Variants in NMNAT1 observed in about 807,000 individuals in gnomAD.
The protein encoded by NMNAT1 is nicotinamide/nicotinic acid mononucleotide adenylyltransferase 1.
Under a neutral mutation model 16.7 loss-of-function variants are expected in NMNAT1, and 11 were observed. The ratio of observed to expected loss-of-function variants is 0.66; its 90% CI spans 0.41 to 1.09. The LOEUF (loss-of-function observed/expected upper bound fraction) is 1.09. Ranked by LOEUF, NMNAT1 falls within the 50% of genes least tolerant of loss-of-function variation. The probability of loss-of-function intolerance (pLI) is 0.00; values close to 1 mark genes in which losing one functional copy is unlikely to be tolerated. For missense variants in NMNAT1, 280 were observed against 332.3 expected (o/e 0.84, Z 1.22); for synonymous variants, 110 against 119.8 (o/e 0.92, Z 0.53).
intron 1 of NMNAT1, among the ~76,000 whole-genome samples, chr1:9,945,528 G>A (rs1268742125): frequency 6.6e-6 from 1 of 152,034 alleles, no homozygotes; most frequent in African/African-American, 2.4e-5. Flanking sequence ...GTGAAACCCT[G>A]TCTCTACTAA....
At chr1:9,968,465 A>G (rs1038156786) in intron 1 of NMNAT1, among the ~76,000 whole-genome samples, 2 of 150,280 alleles carry the variant, frequency 1.3e-5, no homozygotes, top group Admixed American at 6.7e-5. Flanking sequence ...CCTTTTTAAG[A>G]TTGATTAAAA....
At chr1:9,978,914 C>T (rs1350804989) in intron 3 of NMNAT1, among the ~76,000 whole-genome samples, 1 of 152,148 alleles carries the variant, frequency 6.6e-6, no homozygotes, top group Non-Finnish European at 1.5e-5. Flanking sequence ...TTCTCCTTGG[C>T]GTTCTGGTTC....
chr1:9,971,686 G>C (rs1473094418), intron 1 of NMNAT1, among the ~76,000 whole-genome samples: 2 of 152,072 alleles, frequency 1.3e-5, no homozygotes, highest in East Asian at 3.9e-4. Flanking sequence ...AACTGGGCTG[G>C]GCGTGGTGAC....
the NMNAT1 span, among the ~76,000 whole-genome samples, chr1:9,994,491 C>T: frequency 1.3e-5 from 2 of 150,878 alleles, no homozygotes; most frequent in Admixed American, 1.3e-4. Context: ...AGTGCAATGG[C>T]ACGGTCTTGG....
intron 3 of NMNAT1, among the ~76,000 whole-genome samples, chr1:9,978,378 G>A (rs1022400112): frequency 1.3e-5 from 2 of 152,082 alleles, no homozygotes; most frequent in Non-Finnish European, 2.9e-5. Context: ...TACTTGTCAG[G>A]CTCCACAGTC....
intron 3 of NMNAT1, among the ~76,000 whole-genome samples, chr1:9,978,961 A>G (rs1641875139): frequency 6.6e-6 from 1 of 152,198 alleles, no homozygotes; most frequent in Admixed American, 6.6e-5. Context: ...TCCATGGTCA[A>G]GAGTGTGGGC....
At chr1:9,951,468 G>A (rs1031183479) in intron 1 of NMNAT1, among the ~76,000 whole-genome samples, 1 of 74,296 alleles carries the variant, frequency 1.3e-5, no homozygotes, top group African/African-American at 3.1e-5. Flanking sequence ...TTTTTTTGTT[G>A]TTGTTGTTGT....
chr1:9,980,439 T>G (rs565516878), intron 3 of NMNAT1, among the ~76,000 whole-genome samples: 81 of 113,934 alleles, frequency 7.1e-4, no homozygotes, highest in African/African-American at 2.4e-3. Flanking sequence ...GCCAACATGA[T>G]GAAACCCCGT....
At chr1:9,971,732 G>A (rs1180032473) in intron 1 of NMNAT1, among the ~76,000 whole-genome samples, 1 of 152,122 alleles carries the variant, frequency 6.6e-6, no homozygotes, top group Admixed American at 6.6e-5. Context: ...AGAGACTGAG[G>A]TGGAAGGGTT....
intron 1 of NMNAT1, among the ~76,000 whole-genome samples, chr1:9,961,121 G>A (rs1641396319): frequency 6.6e-6 from 1 of 152,126 alleles, no homozygotes; most frequent in Non-Finnish European, 1.5e-5. Flanking sequence ...GATGTAACAA[G>A]GGAGAAAGAC....
At chr1:9,987,691 T>C (rs1226952149), downstream of NMNAT1, among the ~76,000 whole-genome samples, 1 of 151,272 alleles carries the variant, frequency 6.6e-6, no homozygotes, top group African/African-American at 2.4e-5. Context: ...TAGCCAGGCA[T>C]GGTAGCTTGT....
At chr1:9,989,188 GCACA>G (rs1435496691), downstream of NMNAT1, among the ~76,000 whole-genome samples, 7 of 152,058 alleles carry the variant, frequency 4.6e-5, no homozygotes, top group African/African-American at 1.7e-4. Flanking sequence ...GCTCAGCTGG[GCACA>G]GTAGCCTGTA....
intron 3 of NMNAT1, among the ~76,000 whole-genome samples, chr1:9,980,545 C>T (rs938943710): frequency 6.6e-6 from 1 of 151,046 alleles, no homozygotes; most frequent in African/African-American, 2.4e-5. Flanking sequence ...ATTGTTTGAA[C>T]CCAGGAGCCA....
intron 1 of NMNAT1, chr1:9,951,188 G>A (rs1462195496): frequency 6.6e-6 from 1 of 152,068 alleles, no homozygotes; most frequent in Non-Finnish European, 1.5e-5. Context: ...GGACTGGTAA[G>A]CCTTTGACAA....
At chr1:9,958,417 T>C (rs1331595949) in intron 1 of NMNAT1, among the ~76,000 whole-genome samples, 2 of 152,060 alleles carry the variant, frequency 1.3e-5, no homozygotes, top group African/African-American at 4.8e-5. Context: ...GCAGGCTTTG[T>C]TGATACTGAT....
At chr1:9,961,570 AT>A (rs1641408589) in intron 1 of NMNAT1, among the ~76,000 whole-genome samples, 2 of 152,160 alleles carry the variant, frequency 1.3e-5, no homozygotes, top group South Asian at 4.1e-4. Flanking sequence ...GATAAAGGGT[AT>A]GGGTACAAGC....
At chr1:9,965,036 G>A (rs540868471) in intron 1 of NMNAT1, among the ~76,000 whole-genome samples, 1 of 150,884 alleles carries the variant, frequency 6.6e-6, no homozygotes, top group South Asian at 2.1e-4. Context: ...TAAGATCTCA[G>A]GGCCAGGTGT....
intron 3 of NMNAT1, 33 bp from the exon 4 acceptor site, chr1:9,980,998 A>G: frequency 6.3e-7 from 1 of 1,586,710 alleles, no homozygotes. Context: ...CATGTGAGAA[A>G]GAGAAATATT....
At chr1:9,981,433 C>T in intron 4 of NMNAT1, 1 of 339,634 alleles carries the variant, frequency 2.9e-6, no homozygotes, top group South Asian at 2.9e-5. Context: ...GACGGGGTTG[C>T]ACCATGTTAG....
Sources: gnomAD v4.1 joint callset for allele counts (sites outside exome capture counted in the v4.1 genomes callset) on GRCh38, gnomAD v4.1.1 for gene constraint, MANE v1.5 for transcripts, NCBI Gene and HGNC (gene_info 2026-07-23, HGNC 2026-07-21) for gene names.